Variants in DNAH3 observed in about 807,000 individuals in gnomAD.
DNAH3 encodes dynein axonemal heavy chain 3.
Under a neutral mutation model 432.5 loss-of-function variants are expected in DNAH3, and 332 were observed. The ratio of observed to expected loss-of-function variants is 0.77; its 90% CI spans 0.70 to 0.84. DNAH3 has a LOEUF of 0.84. Among genes scored for constraint, DNAH3 ranks in the 40% least tolerant of loss-of-function variants. DNAH3 has a pLI of 0.00. For missense variants in DNAH3, 4,861 were observed against 5,114.0 expected (o/e 0.95, Z 1.51); for synonymous variants, 1,956 against 1,900.2 (o/e 1.03, Z -0.76).
At chr16:21,132,081 T>A (rs192278888) in intron 7 of DNAH3, among the ~76,000 whole-genome samples, 1 of 152,298 alleles carries the variant, frequency 6.6e-6, no homozygotes, top group East Asian at 1.9e-4. Flanking sequence ...GTACTTCCAA[T>A]GCTTTAGAAA....
At chr16:20,955,169 G>GGAC in intron 54 of DNAH3, 112 bp from the exon 55 acceptor site, 1 of 1,024,560 alleles carries the variant, frequency 9.8e-7, no homozygotes, top group Non-Finnish European at 1.4e-6. Context: ...GGGTAACATG[G>GGAC]TAAAACCCCA....
chr16:21,092,551 A>T (rs138658602), intron 18 of DNAH3, among the ~76,000 whole-genome samples: 1 of 151,928 alleles, frequency 6.6e-6, no homozygotes, highest in African/African-American at 2.4e-5. Context: ...AATATGGATG[A>T]CCTTGGATTT....
chr16:21,035,256 G>A (rs1187141004), intron 35 of DNAH3, among the ~76,000 whole-genome samples: 1 of 152,200 alleles, frequency 6.6e-6, no homozygotes, highest in Non-Finnish European at 1.5e-5. Flanking sequence ...GAGCCTGGGA[G>A]GTGGAGGTTG....
At chr16:20,963,751 G>A (rs150659278) in exon 53 of DNAH3, 2 of 1,614,032 alleles carry the variant, frequency 1.2e-6, no homozygotes, top group Non-Finnish European at 1.7e-6. Context: ...GATGCCGATG[G>A]TCAGGAGGAG....
intron 18 of DNAH3, among the ~76,000 whole-genome samples, chr16:21,089,000 T>C (rs901236559): frequency 6.6e-6 from 1 of 152,166 alleles, no homozygotes. Context: ...TACTGGAAAT[T>C]AAAGAAGGTG....
intron 25 of DNAH3, among the ~76,000 whole-genome samples, chr16:21,061,920 G>A (rs1276627158): frequency 6.6e-6 from 1 of 152,220 alleles, no homozygotes; most frequent in African/African-American, 2.4e-5. Flanking sequence ...CCTGGTTGCT[G>A]CAGTTTATAC....
chr16:21,081,659 A>G, exon 20 of DNAH3: 1 of 1,613,834 alleles, frequency 6.2e-7, no homozygotes, highest in Non-Finnish European at 8.5e-7. Flanking sequence ...TGCCGAATCC[A>G]AATTCGAGCA....
intron 44 of DNAH3, among the ~76,000 whole-genome samples, chr16:20,988,653 AGT>A (rs2086348830): frequency 6.6e-6 from 1 of 152,234 alleles, no homozygotes; most frequent in African/African-American, 2.4e-5. Context: ...ATTGTAAAAG[AGT>A]CTATCAATTC....
At chr16:21,010,463 G>A (rs761670450) in intron 41 of DNAH3, among the ~76,000 whole-genome samples, 4 of 152,086 alleles carry the variant, frequency 2.6e-5, no homozygotes, top group African/African-American at 4.8e-5. Flanking sequence ...AAGCACTTTC[G>A]GGACAAATGG....
chr16:21,114,363 T>A (rs889197099), intron 12 of DNAH3, among the ~76,000 whole-genome samples: 1 of 152,198 alleles, frequency 6.6e-6, no homozygotes, highest in African/African-American at 2.4e-5. Context: ...GCTGGACAGT[T>A]TCCCCAAAAT....
chr16:20,989,480 T>A (rs1379303762), intron 44 of DNAH3, among the ~76,000 whole-genome samples: 2 of 151,978 alleles, frequency 1.3e-5, no homozygotes, highest in Non-Finnish European at 2.9e-5. Flanking sequence ...TCACAAACCT[T>A]CAGCTAAACA....
At chr16:21,126,224 C>T (rs549499380) in intron 8 of DNAH3, among the ~76,000 whole-genome samples, 1 of 152,236 alleles carries the variant, frequency 6.6e-6, no homozygotes, top group African/African-American at 2.4e-5. Context: ...TTGTTTCTTT[C>T]CTCCCATGTC....
At chr16:21,096,681 T>C (rs918750275) in intron 18 of DNAH3, among the ~76,000 whole-genome samples, 6 of 152,138 alleles carry the variant, frequency 3.9e-5, no homozygotes, top group Non-Finnish European at 8.8e-5. Context: ...TTTGTTTTTT[T>C]CCCAACAAAT....
intron 35 of DNAH3, among the ~76,000 whole-genome samples, chr16:21,035,502 G>A (rs1385461628): frequency 1.3e-5 from 2 of 152,094 alleles, no homozygotes; most frequent in African/African-American, 2.4e-5. Context: ...CTGTAGATCC[G>A]CAAATTACTT....
chr16:21,041,984 A>G (rs201340057), intron 32 of DNAH3, 43 bp downstream of exon 32: 29 of 1,610,996 alleles, frequency 1.8e-5, no homozygotes, highest in Middle Eastern at 3.8e-4. Context: ...AGAGGTTTCT[A>G]TTCTAAAAAG....
chr16:21,075,738 C>A (rs1392922666), intron 20 of DNAH3, among the ~76,000 whole-genome samples, 177 bp from the exon 21 acceptor site: 2 of 151,720 alleles, frequency 1.3e-5, no homozygotes, highest in East Asian at 1.9e-4. Context: ...TATAGCAAAA[C>A]CCCATCTCCA....
intron 33 of DNAH3, among the ~76,000 whole-genome samples, chr16:21,038,589 C>G (rs1055886141): frequency 2.0e-5 from 3 of 152,154 alleles, no homozygotes; most frequent in Non-Finnish European, 4.4e-5. Flanking sequence ...TATGGTAAGC[C>G]ATTGAGATTC....
chr16:21,032,761 C>T (rs2088954020), intron 36 of DNAH3, among the ~76,000 whole-genome samples: 2 of 151,812 alleles, frequency 1.3e-5, no homozygotes, highest in Admixed American at 6.6e-5. Context: ...TGCAGTGAGC[C>T]GAGACTGTGC....
At chr16:21,067,223 T>A in intron 24 of DNAH3, 60 bp downstream of exon 24, 1 of 1,591,860 alleles carries the variant, frequency 6.3e-7, no homozygotes, top group Non-Finnish European at 8.6e-7. Flanking sequence ...ATGAAAAATG[T>A]AATTCTACCT....
Sources: gnomAD v4.1 joint callset for allele counts (sites outside exome capture counted in the v4.1 genomes callset) on GRCh38, gnomAD v4.1.1 for gene constraint, MANE v1.5 for transcripts, NCBI Gene and HGNC (gene_info 2026-07-23, HGNC 2026-07-21) for gene names.